RIMS2: variants seen among roughly 807,000 people sequenced by gnomAD.
RIMS2 encodes the protein regulating synaptic membrane exocytosis 2.
A neutral mutation model predicts 174.4 loss-of-function variants in RIMS2; 59 were observed. The ratio of observed to expected loss-of-function variants is 0.34; its 90% CI spans 0.27 to 0.42. RIMS2 has a LOEUF of 0.42. RIMS2 is among the 10% of genes least tolerant of loss of function. RIMS2 has a pLI of 1.00. For missense variants in RIMS2, 1,620 were observed against 1,666.3 expected, an observed-to-expected ratio of 0.97 and a Z score of 0.48; for synonymous variants, 606 against 572.5, an observed-to-expected ratio of 1.06 and a Z score of -0.84.
chr8:103,952,074 G>C (rs1334937444), intron 14 of RIMS2, among the ~76,000 whole-genome samples: 1 of 152,180 alleles, frequency 6.6e-6, no homozygotes, highest in Non-Finnish European at 1.5e-5. Flanking sequence ...CCTGGGAAGG[G>C]CATCTCTGAA....
At chr8:104,123,931 G>A (rs1050155284) in intron 19 of RIMS2, among the ~76,000 whole-genome samples, 1 of 152,012 alleles carries the variant, frequency 6.6e-6, no homozygotes, top group African/African-American at 2.4e-5. Context: ...TTCTTATACT[G>A]TCTGCCATGT....
chr8:104,171,659 G>C (rs1391109803), intron 19 of RIMS2, among the ~76,000 whole-genome samples: 1 of 151,890 alleles, frequency 6.6e-6, no homozygotes, highest in Admixed American at 6.6e-5. Context: ...TTTCATTTTG[G>C]TTTGGATCCA....
intron 19 of RIMS2, among the ~76,000 whole-genome samples, chr8:104,054,309 C>T (rs925598287): frequency 6.6e-6 from 1 of 152,112 alleles, no homozygotes; most frequent in South Asian, 2.1e-4. Flanking sequence ...ATTAGCTGCT[C>T]TCTGTAGTCA....
chr8:103,867,352 A>G (rs1323541385), intron 3 of RIMS2, among the ~76,000 whole-genome samples: 1 of 151,816 alleles, frequency 6.6e-6, no homozygotes, highest in Admixed American at 6.6e-5. Context: ...CTCATAGAAT[A>G]CAAATATTAT....
At chr8:103,794,035 C>G (rs1218371484) in intron 3 of RIMS2, among the ~76,000 whole-genome samples, 1 of 152,060 alleles carries the variant, frequency 6.6e-6, no homozygotes, top group Non-Finnish European at 1.5e-5. Flanking sequence ...TCAATGCCAT[C>G]CCCTTCAAGC....
At chr8:103,799,101 A>T (rs2098583505) in intron 3 of RIMS2, among the ~76,000 whole-genome samples, 1 of 152,008 alleles carries the variant, frequency 6.6e-6, no homozygotes, top group Non-Finnish European at 1.5e-5. Context: ...GAAAATGGGG[A>T]CCTTGGTCTT....
intron 3 of RIMS2, among the ~76,000 whole-genome samples, chr8:103,825,209 C>T (rs1249234322): frequency 6.6e-6 from 1 of 151,722 alleles, no homozygotes; most frequent in East Asian, 1.9e-4. Flanking sequence ...TCTAAAACTT[C>T]ACATAATGAA....
intron 19 of RIMS2, among the ~76,000 whole-genome samples, chr8:104,076,645 C>T (rs2097298024): frequency 6.6e-6 from 1 of 152,048 alleles, no homozygotes; most frequent in South Asian, 2.1e-4. Context: ...TAAATAAAGA[C>T]TACAGAGTAG....
chr8:103,809,198 A>C (rs1003897059), intron 3 of RIMS2, among the ~76,000 whole-genome samples: 3 of 151,252 alleles, frequency 2.0e-5, no homozygotes, highest in African/African-American at 7.3e-5. Flanking sequence ...CCATATCTGG[A>C]ATACTCCTTT....
At chr8:103,824,975 A>G (rs1185785334) in intron 3 of RIMS2, among the ~76,000 whole-genome samples, 1 of 152,206 alleles carries the variant, frequency 6.6e-6, no homozygotes, top group Non-Finnish European at 1.5e-5. Flanking sequence ...AGTATTGAAC[A>G]TAGAAGTCGT....
At chr8:103,650,815 C>G (rs2096438000) in intron 1 of RIMS2, among the ~76,000 whole-genome samples, 3 of 152,220 alleles carry the variant, frequency 2.0e-5, no homozygotes, top group Admixed American at 2.0e-4. Context: ...ACCCATCCCC[C>G]TGGGAACTCA....
intron 3 of RIMS2, among the ~76,000 whole-genome samples, chr8:103,803,252 A>G (rs1246829501): frequency 2.6e-5 from 4 of 152,166 alleles, no homozygotes; most frequent in African/African-American, 9.7e-5. Context: ...AATAATTTTC[A>G]TAATTTAAAG....
rs139380204 is a variant in RIMS2, at chr8:104,232,118, A to G, written c.3335-12798A>G. Among the ~76,000 whole-genome samples, 692 of 152,340 alleles carry G rather than the reference A, an allele frequency of 4.5e-3. 9 individuals are homozygous for G. The highest frequency in any genetic ancestry group is 0.016 in the African/African-American group (650 of 41,572). ...TGGGAATTATGTGATCATGTATTAC[A>G]TATTTGTTATCTCCCACAGTACCTT... is the stretch of plus-strand genomic sequence containing the variant. On this transcript the variant is annotated intron_variant, in intron 19 of 23. Coordinates refer to ENST00000504942, the Ensembl canonical transcript of RIMS2.
intron 19 of RIMS2, among the ~76,000 whole-genome samples, chr8:104,052,470 GA>G (rs2096802022): frequency 6.6e-6 from 1 of 152,116 alleles, no homozygotes; most frequent in African/African-American, 2.4e-5. Context: ...AGGACAAGAT[GA>G]CTAAGGGGTT....
At chr8:103,794,238 T>C (rs2098530277) in intron 3 of RIMS2, among the ~76,000 whole-genome samples, 1 of 152,024 alleles carries the variant, frequency 6.6e-6, no homozygotes, top group Non-Finnish European at 1.5e-5. Context: ...CACAGAGATA[T>C]AGACCAATGG....
chr8:104,230,886 CT>C (rs754268063), intron 19 of RIMS2, among the ~76,000 whole-genome samples: 2 of 147,826 alleles, frequency 1.4e-5, no homozygotes, highest in Non-Finnish European at 3.0e-5. Context: ...AAAATTTACT[CT>C]TTTTTTTCTT....
chr8:103,746,205 A>G (rs2097810932), intron 2 of RIMS2, among the ~76,000 whole-genome samples: 1 of 152,208 alleles, frequency 6.6e-6, no homozygotes, highest in Non-Finnish European at 1.5e-5. Context: ...TGAAAAGACT[A>G]TTCCAATTGA....
In RIMS2 at chr8:104,009,980, GGATGGATA is replaced by G. The variant is rs1224801690; in HGVS notation, c.3045-3454_3045-3447del. Among the ~76,000 whole-genome samples, 483 of 105,288 alleles carry G rather than the reference GGATGGATA, an allele frequency of 4.6e-3. 3 individuals are homozygous for G. The highest frequency in any genetic ancestry group is 0.014 in the African/African-American group (400 of 27,770). 69.1% of individuals were successfully genotyped at this position (105,288 alleles called of 152,430 possible). A position where few individuals can be genotyped will look rare whatever the true frequency, so the allele number is the denominator to read the frequency against. Reference sequence around the variant, plus strand: ...GGAGTTGTATCATTGTGAAAGATATGGATGGATAGATGGATGGATGGATGGATGGATGG... The same window carrying G: ...GGAGTTGTATCATTGTGAAAGATATGGATGGATGGATGGATGGATGGATGG... On this transcript the variant is annotated intron_variant, in intron 17 of 23. Transcript: ENST00000504942.
Position 104,013,422 on chromosome 8 carries a change from CT to C in RIMS2, c.3045-15del, listed in dbSNP as rs762937625. Reference sequence around the variant, plus strand: ...AGGGCACTAAAGATCAACTGAGCTGCTTTTTGACTAACGTTTCAGGGATTGT... The same window carrying C: ...AGGGCACTAAAGATCAACTGAGCTGCTTTTGACTAACGTTTCAGGGATTGT... On this transcript the variant is annotated intron_variant, in intron 17 of 23. Transcript: ENST00000504942. 1.7e-5 allele frequency: 27 copies of C among 1,610,470 alleles called. No individual in the cohort carries two copies. Among genetic ancestry groups the C allele is most frequent in the Non-Finnish European group, 2.1e-5 (25 of 1,177,450 alleles).
Sources: allele counts gnomAD v4.1 joint callset (sites outside exome capture counted in the v4.1 genomes callset), GRCh38; gene constraint gnomAD v4.1.1; transcripts MANE v1.5; gene names NCBI Gene and HGNC (gene_info 2026-07-23, HGNC 2026-07-21).